KIAA1328: variants seen among roughly 807,000 people sequenced by gnomAD.
KIAA1328 encodes KIAA1328, also known as protein hinderin.
In KIAA1328, 52 loss-of-function variants were observed where a neutral mutation model predicts 68.1. The ratio of observed to expected loss-of-function variants is 0.76; its 90% CI spans 0.61 to 0.96. The LOEUF (loss-of-function observed/expected upper bound fraction) is 0.96, where lower values mean the gene tolerates loss of function less well. KIAA1328 is among the 40% of genes least tolerant of loss of function. The pLI is 0.00. For missense variants in KIAA1328, 641 were observed against 677.6 expected, an observed-to-expected ratio of 0.95 and a Z score of 0.60; for synonymous variants, 232 against 239.4, an observed-to-expected ratio of 0.97 and a Z score of 0.28.
intron 5 of KIAA1328, 134 bp from the exon 6 acceptor site, chr18:36,959,174 C>A: frequency 1.3e-6 from 1 of 753,440 alleles, no homozygotes; most frequent in South Asian, 2.3e-5. Flanking sequence ...TATCTGAAGA[C>A]TTTATACTTA....
intron 6 of KIAA1328, among the ~76,000 whole-genome samples, chr18:36,960,558 G>A (rs1265752989): frequency 6.6e-6 from 1 of 152,146 alleles, no homozygotes; most frequent in Non-Finnish European, 1.5e-5. Flanking sequence ...CACAGTAGAG[G>A]CCAACAGACA....
At chr18:36,849,385 C>T (rs545329159) in intron 4 of KIAA1328, among the ~76,000 whole-genome samples, 57 of 152,054 alleles carry the variant, frequency 3.7e-4, no homozygotes, top group African/African-American at 1.3e-3. Context: ...TTTTCATAAT[C>T]CCAAAGGAAA....
chr18:36,898,556 C>T (rs976461000), intron 5 of KIAA1328, among the ~76,000 whole-genome samples: 2 of 151,876 alleles, frequency 1.3e-5, no homozygotes, highest in Non-Finnish European at 2.9e-5. Flanking sequence ...CTTCCTTGCA[C>T]AGATAACAGG....
At chr18:36,946,636 C>A (rs888362580) in intron 5 of KIAA1328, 4 of 152,292 alleles carry the variant, frequency 2.6e-5, no homozygotes, top group African/African-American at 9.6e-5. Flanking sequence ...TTCTGTGCTG[C>A]AGATTTATTT....
chr18:37,039,527 C>T (rs902631725), intron 6 of KIAA1328, among the ~76,000 whole-genome samples: 1 of 152,040 alleles, frequency 6.6e-6, no homozygotes, highest in Admixed American at 6.6e-5. Context: ...ATTCTCCTGC[C>T]TTAGCCTCTT....
At chr18:36,894,164 CT>C (rs2048793564) in intron 5 of KIAA1328, among the ~76,000 whole-genome samples, 1 of 152,148 alleles carries the variant, frequency 6.6e-6, no homozygotes, top group Non-Finnish European at 1.5e-5. Flanking sequence ...CAAATTTTCT[CT>C]GTAGCAGTGA....
intron 7 of KIAA1328, among the ~76,000 whole-genome samples, chr18:37,152,096 T>TAAA (rs376117913): frequency 1.1e-4 from 9 of 84,674 alleles, no homozygotes; most frequent in South Asian, 4.0e-4. Context: ...TGGACCTATG[T>TAAA]AAAAAAAAAA....
At chr18:37,168,546 G>A (rs887510556) in intron 8 of KIAA1328, among the ~76,000 whole-genome samples, 6 of 152,140 alleles carry the variant, frequency 3.9e-5, no homozygotes, top group African/African-American at 1.4e-4. Flanking sequence ...AGAAACTGCA[G>A]TACATAAAAA....
At chr18:37,129,315 C>A (rs1049456887) in intron 7 of KIAA1328, among the ~76,000 whole-genome samples, 3 of 151,728 alleles carry the variant, frequency 2.0e-5, no homozygotes. Flanking sequence ...AAAAAAAAAC[C>A]ACGTGAAAAG....
chr18:37,091,391 T>C (rs541036878), intron 7 of KIAA1328, among the ~76,000 whole-genome samples: 10 of 152,296 alleles, frequency 6.6e-5, no homozygotes, highest in African/African-American at 2.4e-4. Context: ...CACCATGTTC[T>C]TTAAGTTCTG....
intron 7 of KIAA1328, among the ~76,000 whole-genome samples, chr18:37,069,364 A>T (rs893030321): frequency 6.6e-6 from 1 of 150,514 alleles, no homozygotes; most frequent in Non-Finnish European, 1.5e-5. Flanking sequence ...GGTTCAAGGG[A>T]TTCTCATGCC....
rs1485376298 is a variant in KIAA1328 at position 37,078,340 on chromosome 18, A to G, written c.1232+10795A>G. ...TACAAAAATTAATTCAAGATGGATT[A>G]AAGACTTAAACGTTAGACCTAAAAC... On this transcript the variant is annotated intron_variant, in intron 7 of 9. Coordinates refer to ENST00000280020, the MANE Select transcript of KIAA1328 (RefSeq NM_020776.3). Among the ~76,000 whole-genome samples the G allele has an allele frequency of 2.0e-5, 3 of 152,120 alleles. No homozygotes were observed. In the East Asian group the frequency reaches 5.8e-4, roughly 29 times the overall value.
chr18:37,165,114 C>G (rs544362281), intron 8 of KIAA1328, among the ~76,000 whole-genome samples: 3 of 152,102 alleles, frequency 2.0e-5, no homozygotes, highest in African/African-American at 7.2e-5. Context: ...TCAGGCCCAC[C>G]CCTATGACCT....
rs1212587737 is a variant in KIAA1328 at position 36,902,045 on chromosome 18, C to G, written c.448+16373C>G. On this transcript the variant is annotated intron_variant, in intron 5 of 9. Coordinates refer to ENST00000280020, the MANE Select transcript of KIAA1328 (RefSeq NM_020776.3). Reference sequence around the variant, plus strand: ...TTAGCACTTTTCACAGTTGTTGAATCTTCTGAACTATCATGTTGGAAACAT... The same window carrying G: ...TTAGCACTTTTCACAGTTGTTGAATGTTCTGAACTATCATGTTGGAAACAT... 4 of 151,808 alleles carry G rather than the reference C, an allele frequency of 2.6e-5. No homozygotes were observed. The East Asian group carries it at 7.7e-4, about 29-fold the overall frequency. 9.4% of individuals were successfully genotyped at this position (151,808 alleles called of 1,614,324 possible). A position where few individuals can be genotyped will look rare whatever the true frequency, so the allele number is the denominator to read the frequency against.
At chr18:37,210,377 A>C (rs1298707497) in intron 9 of KIAA1328, among the ~76,000 whole-genome samples, 1 of 152,184 alleles carries the variant, frequency 6.6e-6, no homozygotes, top group Non-Finnish European at 1.5e-5. Flanking sequence ...CTGGCATAGC[A>C]GATCAGATAA....
chr18:37,152,418 A>G (rs767723482), intron 7 of KIAA1328, among the ~76,000 whole-genome samples: 8 of 152,148 alleles, frequency 5.3e-5, no homozygotes, highest in Non-Finnish European at 8.8e-5. Flanking sequence ...AGTTGCCTTC[A>G]GTGTTTAACC....
chr18:37,224,643 T>A lies in KIAA1328; in HGVS notation c.*2416T>A. 1 of 985,414 alleles carries A rather than the reference T, an allele frequency of 1.0e-6. No individual in the cohort carries two copies. The highest frequency in any genetic ancestry group is 1.2e-6 in the Non-Finnish European group (1 of 829,902). The allele number at this position is 985,414 out of a possible 1,614,324, so 61.0% of individuals were successfully genotyped here. ...ATGAATGAAAGGTTGTTACAGAGCC[T>A]CAAAGCTGTTGCAGACTATCCCAAG... On this transcript the variant is annotated 3_prime_UTR_variant, in exon 10 of 10. Transcript: ENST00000280020.
chr18:36,964,011 T>C (rs893352933), intron 6 of KIAA1328, among the ~76,000 whole-genome samples: 1 of 152,218 alleles, frequency 6.6e-6, no homozygotes, highest in African/African-American at 2.4e-5. Flanking sequence ...TATCTCTGTT[T>C]TATGCCTCTC....
intron 7 of KIAA1328, among the ~76,000 whole-genome samples, chr18:37,158,073 C>T (rs2059194990): frequency 1.3e-5 from 2 of 151,088 alleles, no homozygotes; most frequent in African/African-American, 4.9e-5. Context: ...CTCACTGTCT[C>T]CCAGGCTGGA....
Sources: allele counts gnomAD v4.1 joint callset (sites outside exome capture counted in the v4.1 genomes callset), GRCh38; gene constraint gnomAD v4.1.1; transcripts MANE v1.5; gene names NCBI Gene and HGNC (gene_info 2026-07-23, HGNC 2026-07-21).